Variants in NDST4 observed in about 807,000 individuals in gnomAD.
NDST4 encodes the protein N-heparan sulfate sulfotransferase 4.
Under a neutral mutation model 100.8 loss-of-function variants are expected in NDST4, and 63 were observed. The observed-to-expected ratio is 0.62, with a 90% CI of 0.51 to 0.77. NDST4 has a LOEUF of 0.77. NDST4 is among the 30% of genes least tolerant of loss of function. The pLI, the probability that NDST4 is intolerant of heterozygous loss-of-function variation, is 0.00. For missense variants in NDST4, 943 were observed against 1,018.4 expected, an observed-to-expected ratio of 0.93 and a Z score of 1.01; for synonymous variants, 377 against 361.8, an observed-to-expected ratio of 1.04 and a Z score of -0.48.
rs539062348 is a variant in NDST4, at chr4:114,941,912, C to A, written c.1222-4409G>T. 2.0e-5 allele frequency among the ~76,000 whole-genome samples: 3 copies of A among 152,244 alleles called. No homozygotes were observed. In the East Asian group the frequency reaches 5.8e-4, roughly 29 times the overall value. The stretch of plus-strand genomic sequence containing the variant: ...ACCTGACTGCTAGAGCTGATTTTTG[C>A]CCATTTCTAATAAGTATAAAAAGAT... On this transcript the variant is annotated intron_variant, in intron 4 of 13. Transcript: ENST00000264363.
chr4:114,990,519 A>C (rs532309708), intron 2 of NDST4, among the ~76,000 whole-genome samples: 1 of 152,070 alleles, frequency 6.6e-6, no homozygotes, highest in Non-Finnish European at 1.5e-5. Flanking sequence ...TGACATTGCA[A>C]ATATCTCTTA....
intron 9 of NDST4, among the ~76,000 whole-genome samples, chr4:114,847,904 T>C (rs1279019380): frequency 6.6e-6 from 1 of 152,188 alleles, no homozygotes; most frequent in Admixed American, 6.5e-5. Flanking sequence ...AGAAAAAAAT[T>C]AGGCACAGTT....
intron 6 of NDST4, among the ~76,000 whole-genome samples, chr4:114,934,481 G>C (rs184432992): frequency 0.01 from 1,562 of 151,776 alleles, 26 homozygotes; most frequent in African/African-American, 0.036. Flanking sequence ...GTGAACCCGG[G>C]AGGCGGAGCT....
At chr4:114,919,828 C>A (rs1210469113) in intron 6 of NDST4, among the ~76,000 whole-genome samples, 1 of 152,128 alleles carries the variant, frequency 6.6e-6, no homozygotes, top group Admixed American at 6.5e-5. Context: ...CCTTGTCTTG[C>A]AGGGTTGCTG....
intron 2 of NDST4, among the ~76,000 whole-genome samples, chr4:115,022,341 G>GTACATGTGTTCCACA (rs765097254): frequency 3.3e-5 from 4 of 120,990 alleles, no homozygotes; most frequent in African/African-American, 1.5e-4. Flanking sequence ...TGTGTTCCAC[G>GTACATGTGTTCCACA]TACATATGTG....
intron 8 of NDST4, among the ~76,000 whole-genome samples, chr4:114,848,760 A>G (rs573061451): frequency 6.6e-6 from 1 of 152,310 alleles, no homozygotes; most frequent in African/African-American, 2.4e-5. Flanking sequence ...ATGAAATCAA[A>G]CTATTTAACA....
chr4:115,059,838 T>C (rs1030643231), intron 2 of NDST4, among the ~76,000 whole-genome samples: 5 of 151,946 alleles, frequency 3.3e-5, no homozygotes, highest in African/African-American at 4.8e-5. Context: ...GAAGTTGCAA[T>C]AGCTCTTATA....
In NDST4 at chr4:114,829,406, C is replaced by T. The variant is rs540132680; in HGVS notation, c.2499+384G>A. On this transcript the variant is annotated intron_variant, in intron 13 of 13. Coordinates refer to ENST00000264363, the MANE Select transcript of NDST4 (RefSeq NM_022569.3). Reference sequence around the variant, plus strand: ...ATTCTTTCCATTGCTTAGCCCACTTCCACCTGTAATGTAGGCCTTGAATAT... The same window carrying T: ...ATTCTTTCCATTGCTTAGCCCACTTTCACCTGTAATGTAGGCCTTGAATAT... Among the ~76,000 whole-genome samples, 5 of 152,254 alleles carry T rather than the reference C, an allele frequency of 3.3e-5. No homozygotes were observed. In the South Asian group the frequency reaches 8.3e-4, roughly 25 times the overall value.
intron 2 of NDST4, among the ~76,000 whole-genome samples, chr4:115,016,411 T>G (rs1366367797): frequency 6.6e-6 from 1 of 152,120 alleles, no homozygotes; most frequent in East Asian, 1.9e-4. Flanking sequence ...GTATTACTCC[T>G]AATGGCTCAT....
chr4:114,937,216 TA>T, intron 5 of NDST4, 101 bp downstream of exon 5: 1 of 1,175,144 alleles, frequency 8.5e-7, no homozygotes. Flanking sequence ...GATAATCATG[TA>T]AAAGAGGTTC....
intron 6 of NDST4, among the ~76,000 whole-genome samples, chr4:114,913,118 G>A (rs764904716): frequency 6.7e-6 from 1 of 148,926 alleles, no homozygotes; most frequent in African/African-American, 2.5e-5. Context: ...TGGAGTTACA[G>A]GCCACAGAAA....
At chr4:115,098,407 G>A (rs1339281902) in intron 1 of NDST4, among the ~76,000 whole-genome samples, 1 of 152,144 alleles carries the variant, frequency 6.6e-6, no homozygotes, top group Non-Finnish European at 1.5e-5. Flanking sequence ...AAGCCAGCAG[G>A]TAGGAGACCA....
intron 6 of NDST4, among the ~76,000 whole-genome samples, chr4:114,931,038 T>C (rs1046999967): frequency 2.0e-5 from 3 of 152,040 alleles, no homozygotes; most frequent in Non-Finnish European, 4.4e-5. Context: ...GTGGTCACTT[T>C]TAGAAACTGA....
intron 1 of NDST4, among the ~76,000 whole-genome samples, chr4:115,100,259 T>A (rs548696660): frequency 6.6e-6 from 1 of 152,212 alleles, no homozygotes; most frequent in African/African-American, 2.4e-5. Context: ...TAAAAAGTAA[T>A]GACAATACAA....
intron 1 of NDST4, among the ~76,000 whole-genome samples, chr4:115,087,657 A>G (rs1729435266): frequency 6.6e-6 from 1 of 151,890 alleles, no homozygotes; most frequent in Non-Finnish European, 1.5e-5. Context: ...CACTCCATAT[A>G]AACAATTTAT....
At chr4:115,079,178 C>A (rs937177924) in intron 1 of NDST4, among the ~76,000 whole-genome samples, 2 of 151,844 alleles carry the variant, frequency 1.3e-5, no homozygotes, top group Non-Finnish European at 2.9e-5. Flanking sequence ...GGTGAAACCC[C>A]GTCTCTACTA....
At chr4:115,097,015 G>A (rs1001850441) in intron 1 of NDST4, among the ~76,000 whole-genome samples, 4 of 151,978 alleles carry the variant, frequency 2.6e-5, no homozygotes, top group African/African-American at 9.7e-5. Flanking sequence ...ACTATCTTTA[G>A]TAAGCTTCTA....
intron 4 of NDST4, among the ~76,000 whole-genome samples, chr4:114,962,120 A>G (rs1006949933): frequency 2.0e-5 from 3 of 152,092 alleles, no homozygotes; most frequent in Admixed American, 6.5e-5. Flanking sequence ...TCTATGATAA[A>G]AATACATGCA....
chr4:115,052,325 T>C (rs1288228788), intron 2 of NDST4, among the ~76,000 whole-genome samples: 3 of 152,160 alleles, frequency 2.0e-5, no homozygotes, highest in African/African-American at 4.8e-5. Flanking sequence ...TTTTTTACTT[T>C]CAGAAGATAC....
Sources: allele counts gnomAD v4.1 joint callset (sites outside exome capture counted in the v4.1 genomes callset), GRCh38; gene constraint gnomAD v4.1.1; transcripts MANE v1.5; gene names NCBI Gene and HGNC (gene_info 2026-07-23, HGNC 2026-07-21).